ESPNL: variants seen among roughly 807,000 people sequenced by gnomAD.
The protein encoded by ESPNL is espin like, also known as espin-like protein.
A neutral mutation model predicts 46.8 loss-of-function variants in ESPNL; 49 were observed. The observed-to-expected ratio is 1.05, with a 90% CI of 0.83 to 1.33. The LOEUF is 1.33. Among genes scored for constraint, ESPNL ranks in the 40% most tolerant of loss-of-function variants. The pLI is 0.00. For synonymous variants in ESPNL, 664 were observed against 662.1 expected, an observed-to-expected ratio of 1.00 and a Z score of -0.04; for missense variants, 1,540 against 1,436.6, an observed-to-expected ratio of 1.07 and a Z score of -1.16.
chr2:238,111,394 T>G (rs1339206945), intron 4 of ESPNL, among the ~76,000 whole-genome samples: 5 of 152,220 alleles, frequency 3.3e-5, no homozygotes, highest in Non-Finnish European at 5.9e-5. Flanking sequence ...CACAACTTTT[T>G]CATTTTGCAA....
At chr2:238,127,490 G>A in intron 6 of ESPNL, 132 bp from the exon 7 acceptor site, 1 of 1,414,370 alleles carries the variant, frequency 7.1e-7, no homozygotes. Flanking sequence ...GGGGCAGGGT[G>A]GGCTGGGGTC....
Position 238,125,288 on chromosome 2 carries a change from C to G in ESPNL, c.1006C>G (p.Pro336Ala), listed in dbSNP as rs754205734. The G allele has an allele frequency of 2.6e-6, 4 of 1,531,356 alleles. No individual in the cohort carries two copies. Among genetic ancestry groups the G allele is most frequent in the Non-Finnish European group, 3.5e-6 (4 of 1,138,152 alleles). The allele number at this position is 1,531,356 out of a possible 1,614,324, so 94.9% of individuals were successfully genotyped here. A position where few individuals can be genotyped will look rare whatever the true frequency, so the allele number is the denominator to read the frequency against. Reference sequence around the variant, plus strand: ...CCCACAGGTGCCCCTGCTGATGACGCCCCCACCACCACCGTTCCCCCCACC... The same window carrying G: ...CCCACAGGTGCCCCTGCTGATGACGGCCCCACCACCACCGTTCCCCCCACC... ...VAQPVPLLMT[P>A]PPPPFPPPPL... Residue 336 changes from proline (P) to alanine (A), a missense_variant, in exon 6 of 9, where the codon CCC (proline) becomes GCC (alanine). Transcript: ENST00000343063.
Position 238,104,705 on chromosome 2 carries a change from T to G in ESPNL, c.535T>G (p.Cys179Gly), listed in dbSNP as rs146620287. The part of the protein sequence containing the change: ...RSGASPLYLA[C>G]QEGHLHLAQF... ...TGGCGCCTCCCCACTCTACCTGGCC[T>G]GCCAGGAGGGCCACCTGCACCTGGC... Residue 179 changes from cysteine to glycine, a missense_variant, in exon 3 of 9, where the codon TGC becomes GGC. Transcript: ENST00000343063. The G allele has an allele frequency of 6.2e-7, 1 of 1,607,472 alleles. No homozygotes were observed. The highest frequency in any genetic ancestry group is 1.1e-5 in the South Asian group (1 of 90,502).
chr2:238,110,857 C>T (rs1239164474), intron 4 of ESPNL, among the ~76,000 whole-genome samples: 1 of 151,456 alleles, frequency 6.6e-6, no homozygotes, highest in Non-Finnish European at 1.5e-5. Context: ...AATAAAATGT[C>T]AAAACAATGA....
At chr2:238,129,403 G>A (rs1461929661) in intron 8 of ESPNL, among the ~76,000 whole-genome samples, 1 of 152,194 alleles carries the variant, frequency 6.6e-6, no homozygotes, top group Non-Finnish European at 1.5e-5. Flanking sequence ...CACCTCCTAG[G>A]CAGAGGGAAC....
intron 3 of ESPNL, among the ~76,000 whole-genome samples, chr2:238,105,223 G>A (rs955606582): frequency 1.3e-5 from 2 of 152,090 alleles, no homozygotes; most frequent in South Asian, 2.1e-4. Flanking sequence ...AGGCCCTGCC[G>A]CCTGAGATCC....
At position 238,100,523 on chromosome 2, in the gene ESPNL, T is replaced by G. The variant is rs781319302; in HGVS notation, c.104T>G (p.Leu35Arg). The G allele has an allele frequency of 4.4e-6, 7 of 1,596,300 alleles. No homozygotes were observed. Among genetic ancestry groups the G allele is most frequent in the Non-Finnish European group, 6.0e-6 (7 of 1,174,066 alleles). ...GALGPGITDA[L>R]GAGLVHHATR... The stretch of plus-strand genomic sequence containing the variant: ...CTGGGCCCGGGCATCACCGATGCTC[T>G]GGGGGCCGGCCTGGTTCACCACGCC... The change falls in exon 1 of 9, where the codon CTG becomes CGG. Residue 35 changes from leucine to arginine, a missense_variant. Physicochemically the swap from Leu to Arg is moderately radical, Grantham distance 102. Coordinates refer to ENST00000343063, the MANE Select transcript of ESPNL (RefSeq NM_194312.4).
chr2:238,119,354 AGGT>A (rs1691922700), intron 5 of ESPNL, among the ~76,000 whole-genome samples: 1 of 130,676 alleles, frequency 7.7e-6, no homozygotes, highest in Non-Finnish European at 1.6e-5. Flanking sequence ...TGAATGGAGG[AGGT>A]GGATGAAGGA....
chr2:238,102,163 A>AGCCTGG (rs1691501764), intron 2 of ESPNL, 32 bp downstream of exon 2: 1 of 1,497,800 alleles, frequency 6.7e-7, no homozygotes, highest in African/African-American at 1.4e-5. Context: ...CTGGGGGGGC[A>AGCCTGG]GCCTGGGGCG....
In ESPNL at chr2:238,128,844, G is replaced by A. The variant is rs1487976775; in HGVS notation, c.1353G>A (p.Arg451=). ...GCCAGCCCATCCCAGAGTGGAAGCG[G>A]CAGGTGATGGTGCGGAAGCTGCAGG... ...ERGQPIPEWK[R]QVMVRKLQAR... Residue 451 remains arginine, a synonymous_variant, in exon 8 of 9, where the codon CGG becomes CGA. Transcript: ENST00000343063. The A allele has an allele frequency of 6.5e-7, 1 of 1,548,996 alleles. No individual in the cohort carries two copies. Among genetic ancestry groups the A allele is most frequent in the South Asian group, 1.2e-5 (1 of 84,034 alleles).
At position 238,100,587 on chromosome 2, in the gene ESPNL, G is replaced by GCAGCGGGCCCAGCTGCCCGGCAAC. The variant is rs749261231; in HGVS notation, c.180_203dup (p.Gln60_Ala67dup). The GCAGCGGGCCCAGCTGCCCGGCAAC allele has an allele frequency of 6.4e-7, 1 of 1,554,702 alleles. No homozygotes were observed. The highest frequency in any genetic ancestry group is 1.2e-5 in the South Asian group (1 of 83,430). On this transcript the variant is annotated inframe_insertion, in exon 1 of 9. Coordinates refer to ENST00000343063, the MANE Select transcript of ESPNL (RefSeq NM_194312.4). ...ACCTGGACTGCGTCAAGTTCTTGGT[G>GCAGCGGGCCCAGCTGCCCGGCAAC]CAGCGGGCCCAGCTGCCCGGCAACC...
In ESPNL at chr2:238,101,498, TG is replaced by T. The variant is rs1276840480; in HGVS notation, c.295-441del. Among the ~76,000 whole-genome samples the T allele has an allele frequency of 5.9e-5, 9 of 152,278 alleles. No homozygotes were observed. In the East Asian group the frequency reaches 1.7e-3, roughly 29 times the overall value. On this transcript the variant is annotated intron_variant, in intron 1 of 8. Transcript: ENST00000343063. ...GCCCTTGGAGAAGGCCCAGGTCTGC[TG>T]GACCCCTGACACCTGTGGTAGGAAC...
chr2:238,125,989 TTGTGTCTGTGTGTATC>T (rs1182501074), intron 6 of ESPNL, among the ~76,000 whole-genome samples: 2 of 151,060 alleles, frequency 1.3e-5, no homozygotes, highest in Admixed American at 1.3e-4. Context: ...CTGTGTGTGA[TTGTGTCTGTGTGTATC>T]TGTGTATGTT....
chr2:238,107,556 C>G (rs1691623023), intron 3 of ESPNL, among the ~76,000 whole-genome samples: 1 of 151,672 alleles, frequency 6.6e-6, no homozygotes, highest in Admixed American at 6.6e-5. Flanking sequence ...ACCATGGTGT[C>G]TGCAAATTAA....
At chr2:238,110,701 T>A (rs112879658) in intron 4 of ESPNL, among the ~76,000 whole-genome samples, 54 of 101,272 alleles carry the variant, frequency 5.3e-4, no homozygotes, top group African/African-American at 1.8e-3. Context: ...GAGTTTCCCT[T>A]TCCTGTCCCA....
In ESPNL at chr2:238,100,395, C is replaced by T. The variant is rs776584614; in HGVS notation, c.-25C>T. ...AGGAAGCCCCAGCCTGTGCATGAGTCGCCACTGAGAGCCCGGGCCAGAGGA... is the reference window on the plus strand; with the variant it reads ...AGGAAGCCCCAGCCTGTGCATGAGTTGCCACTGAGAGCCCGGGCCAGAGGA... On this transcript the variant is annotated 5_prime_UTR_variant, in exon 1 of 9. Coordinates refer to ENST00000343063, the MANE Select transcript of ESPNL (RefSeq NM_194312.4). 172 of 1,573,160 alleles carry T rather than the reference C, an allele frequency of 1.1e-4. No homozygotes were observed. Among genetic ancestry groups the T allele is most frequent in the Non-Finnish European group, 1.4e-4 (161 of 1,164,600 alleles).
At chr2:238,120,780 G>T (rs887896211) in intron 5 of ESPNL, among the ~76,000 whole-genome samples, 6 of 152,260 alleles carry the variant, frequency 3.9e-5, no homozygotes, top group African/African-American at 1.4e-4. Flanking sequence ...TCTGAGGGAG[G>T]GCAGGCTGTC....
At chr2:238,119,528 TGGAGGAGGTGGATGGAGGAGGTGGATGAA>T (rs1559264074) in intron 5 of ESPNL, among the ~76,000 whole-genome samples, 1 of 85,934 alleles carries the variant, frequency 1.2e-5, no homozygotes, top group African/African-American at 5.0e-5. Flanking sequence ...GGAGGGGAGA[TGGAGGAGGTGGATGGAGGAGGTGGATGAA>T]GGAGGAATGG....
chr2:238,131,035 G>C lies in ESPNL; in HGVS notation c.2321G>C (p.Arg774Pro). The stretch of plus-strand genomic sequence containing the variant: ...CTAGGAGCCCGCCACGCGGGGTTGC[G>C]GGGCCAGGAGGCCGCCAGGAGCCCT... ...RTLGARHAGL[R>P]GQEAARSPGP... The change falls in exon 9 of 9, where the codon CGG becomes CCG. Residue 774 changes from arginine (R) to proline (P), a missense_variant. Physicochemically the swap from Arg to Pro is moderately radical, Grantham distance 103. Coordinates refer to ENST00000343063, the MANE Select transcript of ESPNL (RefSeq NM_194312.4). 1 of 1,538,316 alleles carries C rather than the reference G, an allele frequency of 6.5e-7. No individual in the cohort carries two copies. The highest frequency in any genetic ancestry group is 8.7e-7 in the Non-Finnish European group (1 of 1,143,258).
Sources: allele counts gnomAD v4.1 joint callset (sites outside exome capture counted in the v4.1 genomes callset), GRCh38; gene constraint gnomAD v4.1.1; transcripts MANE v1.5; gene names NCBI Gene and HGNC (gene_info 2026-07-23, HGNC 2026-07-21).